DPP6: variants seen among roughly 807,000 people sequenced by gnomAD.
DPP6 encodes the protein A-type potassium channel modulatory protein DPP6.
In DPP6, 69 loss-of-function variants were observed where a neutral mutation model predicts 122.6. That is an observed-to-expected ratio of 0.56 (90% CI 0.46 to 0.69). DPP6 has a LOEUF of 0.69. Ranked by LOEUF, DPP6 falls within the 30% of genes least tolerant of loss-of-function variation. The pLI, the probability that DPP6 is intolerant of heterozygous loss-of-function variation, is 0.00. For missense variants in DPP6, 928 were observed against 1,116.9 expected (o/e 0.83, Z 2.41); for synonymous variants, 418 against 433.1 (o/e 0.97, Z 0.43).
chr7:154,812,332 C>T (rs1232669764), intron 16 of DPP6, among the ~76,000 whole-genome samples: 2 of 152,124 alleles, frequency 1.3e-5, no homozygotes, highest in Non-Finnish European at 2.9e-5. Flanking sequence ...AACTTATATT[C>T]AGTATTATAA....
At chr7:154,465,360 G>C (rs1414518736) in intron 2 of DPP6, among the ~76,000 whole-genome samples, 1 of 152,086 alleles carries the variant, frequency 6.6e-6, no homozygotes, top group Non-Finnish European at 1.5e-5. Context: ...TTGGCAAGTG[G>C]GATCTAATTA....
intron 3 of DPP6, among the ~76,000 whole-genome samples, chr7:154,536,316 G>T (rs1172113995): frequency 6.6e-6 from 1 of 152,130 alleles, no homozygotes; most frequent in Non-Finnish European, 1.5e-5. Context: ...CAGTAAAGGG[G>T]CATAGAGGTC....
intron 1 of DPP6, among the ~76,000 whole-genome samples, chr7:154,182,268 T>A (rs1798129063): frequency 6.6e-6 from 1 of 152,150 alleles, no homozygotes; most frequent in South Asian, 2.1e-4. Flanking sequence ...CTCTACAAAT[T>A]GTAACCACCA....
At chr7:154,690,801 G>T (rs948777456) in intron 7 of DPP6, among the ~76,000 whole-genome samples, 1 of 152,106 alleles carries the variant, frequency 6.6e-6, no homozygotes, top group Non-Finnish European at 1.5e-5. Flanking sequence ...GGCTTTATTT[G>T]CCCTGATCAC....
intron 2 of DPP6, among the ~76,000 whole-genome samples, chr7:154,454,223 T>A (rs1820632329): frequency 6.6e-6 from 1 of 152,230 alleles, no homozygotes; most frequent in Non-Finnish European, 1.5e-5. Context: ...CTGTGAGTCC[T>A]GGGCTCCTCC....
chr7:153,883,431 G>A (rs1408772481), upstream of DPP6, among the ~76,000 whole-genome samples: 3 of 151,090 alleles, frequency 2.0e-5, no homozygotes, highest in African/African-American at 4.9e-5. Context: ...TGCCCAGGCC[G>A]GAGTGCAATG....
intron 1 of DPP6, among the ~76,000 whole-genome samples, chr7:154,256,341 G>A (rs1259256481): frequency 2.0e-5 from 3 of 152,186 alleles, no homozygotes; most frequent in Non-Finnish European, 4.4e-5. Context: ...GCAGAAGGCA[G>A]GCACCTCCAG....
At chr7:154,378,771 G>T (rs6979310) in intron 1 of DPP6, among the ~76,000 whole-genome samples, 17,749 of 152,282 alleles carry the variant, frequency 0.12, 1,122 homozygotes, top group South Asian at 0.16. Flanking sequence ...GTTCCGCATG[G>T]CTGGGGAAGC....
In DPP6 at chr7:153,971,729, G is replaced by C. The variant is rs575113077; in HGVS notation, c.51+83995G>C. On this transcript the variant is annotated intron_variant, in intron 1 of 25. Coordinates refer to the DPP6 transcript ENST00000404039. ...CACACTCACATTTTTACACAGATAA[G>C]TATTGAGCTAAAGGTCCCATAGGAC... Among the ~76,000 whole-genome samples the C allele has an allele frequency of 4.5e-4, 65 of 143,302 alleles. No homozygotes were observed. The East Asian group carries it at 9.2e-3, about 20-fold the overall frequency. 94.0% of individuals were successfully genotyped at this position (143,302 alleles called of 152,430 possible). A position where few individuals can be genotyped will look rare whatever the true frequency, so the allele number is the denominator to read the frequency against.
intron 1 of DPP6, among the ~76,000 whole-genome samples, chr7:154,438,363 A>G (rs574482901): frequency 3.4e-5 from 5 of 147,622 alleles, no homozygotes; most frequent in East Asian, 2.1e-4. Context: ...CCAGCTACTC[A>G]GGAGGCTGAG....
intron 1 of DPP6, among the ~76,000 whole-genome samples, chr7:154,225,713 G>A (rs1280291402): frequency 6.6e-6 from 1 of 152,004 alleles, no homozygotes; most frequent in Non-Finnish European, 1.5e-5. Context: ...TAAATAGCCT[G>A]ATATTTAAAG....
intron 4 of DPP6, among the ~76,000 whole-genome samples, chr7:154,552,454 C>A (rs937036527): frequency 1.3e-5 from 2 of 152,142 alleles, no homozygotes; most frequent in African/African-American, 4.8e-5. Context: ...TTGACCAAGA[C>A]GGGAAGTTTG....
chr7:154,491,106 G>A (rs1824241218), intron 3 of DPP6, among the ~76,000 whole-genome samples: 1 of 152,218 alleles, frequency 6.6e-6, no homozygotes, highest in African/African-American at 2.4e-5. Context: ...ATCTCTCATG[G>A]GATGTTTTCT....
intron 1 of DPP6, among the ~76,000 whole-genome samples, chr7:154,266,244 A>G (rs894371164): frequency 6.6e-6 from 1 of 152,202 alleles, no homozygotes; most frequent in African/African-American, 2.4e-5. Context: ...AAATGAAACC[A>G]TATCAGGGGT....
intron 1 of DPP6, among the ~76,000 whole-genome samples, chr7:154,335,309 A>C (rs1289073703): frequency 6.6e-6 from 1 of 151,848 alleles, no homozygotes; most frequent in Non-Finnish European, 1.5e-5. Flanking sequence ...TTCTTAAAAA[A>C]CAAAACAAAA....
chr7:154,531,803 C>T (rs1444478746), intron 3 of DPP6, among the ~76,000 whole-genome samples: 1 of 151,992 alleles, frequency 6.6e-6, no homozygotes, highest in Non-Finnish European at 1.5e-5. Flanking sequence ...TAACAGGTTT[C>T]TATAGTTAAT....
At chr7:154,630,775 G>A (rs1835359310) in intron 5 of DPP6, among the ~76,000 whole-genome samples, 1 of 152,062 alleles carries the variant, frequency 6.6e-6, no homozygotes, top group Admixed American at 6.6e-5. Context: ...CACACACTGG[G>A]GCCTGTCGGG....
At chr7:154,083,496 C>T (rs1195559131) in intron 1 of DPP6, among the ~76,000 whole-genome samples, 1 of 150,906 alleles carries the variant, frequency 6.6e-6, no homozygotes, top group Non-Finnish European at 1.5e-5. Flanking sequence ...GTCACCCAAG[C>T]CTCCATCATG....
chr7:154,255,555 C>G (rs1326629189), intron 1 of DPP6, among the ~76,000 whole-genome samples: 2 of 151,972 alleles, frequency 1.3e-5, no homozygotes, highest in Non-Finnish European at 2.9e-5. Flanking sequence ...ACCCTTGAAC[C>G]AGGCAGACGT....
Sources: allele counts gnomAD v4.1 joint callset (sites outside exome capture counted in the v4.1 genomes callset), GRCh38; gene constraint gnomAD v4.1.1; transcripts MANE v1.5; gene names NCBI Gene and HGNC (gene_info 2026-07-23, HGNC 2026-07-21).